Variants in USP54 observed in about 807,000 individuals in gnomAD.
The protein encoded by USP54 is ubiquitin carboxyl-terminal hydrolase 54.
In USP54, 87 loss-of-function variants were observed where a neutral mutation model predicts 170.5. The observed-to-expected ratio is 0.51, with a 90% CI of 0.43 to 0.61. USP54 has a LOEUF of 0.61. Ranked by LOEUF, USP54 falls within the 20% of genes least tolerant of loss-of-function variation. USP54 has a pLI of 0.00. For missense variants in USP54, 1,786 were observed against 2,047.8 expected, an observed-to-expected ratio of 0.87 and a Z score of 2.47; for synonymous variants, 655 against 742.8, an observed-to-expected ratio of 0.88 and a Z score of 1.92.
intron 16 of USP54, among the ~76,000 whole-genome samples, chr10:73,526,401 C>T (rs1261407899): frequency 3.9e-5 from 6 of 152,198 alleles, no homozygotes. Flanking sequence ...GTGCACGCCG[C>T]TACGCTGGTT....
In USP54 at chr10:73,516,800, G is replaced by A. The variant is rs756879277; in HGVS notation, c.3626C>T (p.Ala1209Val). Residue 1209 changes from alanine (A) to valine (V), a missense_variant, in exon 20 of 24, where the codon GCC becomes GTC. Physicochemically the swap from Ala to Val is moderately conservative, Grantham distance 64. Around this residue, in one of 3 missense-constraint regions of USP54, gnomAD observed 1,418 missense variants for 1,569.0 expected, o/e 0.90. Transcript: ENST00000687698. ...ACCATTAGGCAGCCCAGAGTTTAAG[G>A]CAAGAGAAGAATGTTCAGTGGACTC... is the stretch of plus-strand genomic sequence containing the variant. Reference protein sequence around the residue: ...WEESTEHSSLALNSGLPNGET... With the variant: ...WEESTEHSSLVLNSGLPNGET... The A allele has an allele frequency of 1.6e-5, 26 of 1,614,058 alleles. No individual in the cohort carries two copies. The highest frequency in any genetic ancestry group is 2.1e-5 in the Non-Finnish European group (25 of 1,180,048).
At chr10:73,565,455 G>A (rs1450150600) in intron 4 of USP54, among the ~76,000 whole-genome samples, 2 of 152,106 alleles carry the variant, frequency 1.3e-5, no homozygotes, top group East Asian at 3.9e-4. Flanking sequence ...GGTTGAGGCT[G>A]CAGTGAACCA....
At chr10:73,577,197 A>G (rs528212194) in intron 1 of USP54, among the ~76,000 whole-genome samples, 1 of 152,304 alleles carries the variant, frequency 6.6e-6, no homozygotes, top group African/African-American at 2.4e-5. Flanking sequence ...GTTAAGTGTT[A>G]AATTTGCCAA....
intron 20 of USP54, chr10:73,515,936 C>T (rs1054616423): frequency 6.4e-6 from 1 of 156,000 alleles, no homozygotes; most frequent in Non-Finnish European, 1.4e-5. Context: ...GCAAGTACCA[C>T]CACGCCCGGC....
At chr10:73,562,873 T>C (rs2073388690) in intron 4 of USP54, among the ~76,000 whole-genome samples, 1 of 152,216 alleles carries the variant, frequency 6.6e-6, no homozygotes, top group East Asian at 1.9e-4. Flanking sequence ...GATAAACTGT[T>C]TTCCTAAGTA....
intron 17 of USP54, 47 bp from the exon 18 acceptor site, chr10:73,521,074 T>A: frequency 6.2e-7 from 1 of 1,608,876 alleles, no homozygotes; most frequent in Non-Finnish European, 8.5e-7. Flanking sequence ...CATTCCAAAT[T>A]TTCCTGTGTA....
intron 23 of USP54, 96 bp from the exon 24 acceptor site, chr10:73,499,284 T>C: frequency 8.2e-7 from 1 of 1,217,824 alleles, no homozygotes; most frequent in Non-Finnish European, 1.1e-6. Context: ...AATTCCCTAC[T>C]CCTCCAAGAG....
chr10:73,624,195 TG>T (rs1564974932), intron 1 of USP54, among the ~76,000 whole-genome samples: 54 of 118,224 alleles, frequency 4.6e-4, no homozygotes, highest in African/African-American at 1.8e-3. Flanking sequence ...TATATATATA[TG>T]TATTTTTTTT....
chr10:73,519,861 G>A lies in USP54; in HGVS notation c.2614C>T (p.Gln872Ter). ...CAGGCTGAGGGCTGCGACGGCTGCT[G>A]TGGTGATTGCTGCTGCTGCATGCGA... Reference protein sequence around the residue: ...QDRMQQQQSPQQPSQPSACLP... With the variant: ...QDRMQQQQSP Residue 872 changes from glutamine (Q) to a stop codon, truncating the protein, a stop_gained, in exon 19 of 24, where the codon CAG becomes TAG. Transcript: ENST00000687698. LOFTEE classifies it high-confidence loss of function. 1 of 1,614,172 alleles carries A rather than the reference G, an allele frequency of 6.2e-7. No homozygotes were observed. The highest frequency in any genetic ancestry group is 8.5e-7 in the Non-Finnish European group (1 of 1,180,026).
intron 1 of USP54, among the ~76,000 whole-genome samples, chr10:73,624,159 CATATATAT>C (rs58238181): frequency 0.013 from 907 of 69,864 alleles, 19 homozygotes; most frequent in African/African-American, 0.039. Flanking sequence ...TTTTAAAAGC[CATATATAT>C]ATATATATAT....
chr10:73,556,373 T>C (rs957083117), intron 4 of USP54, among the ~76,000 whole-genome samples: 14 of 148,262 alleles, frequency 9.4e-5, no homozygotes, highest in African/African-American at 3.5e-4. Flanking sequence ...AGACAGAGTC[T>C]CCCTCTGTCA....
At chr10:73,525,737 C>A (rs1247103139) in intron 16 of USP54, among the ~76,000 whole-genome samples, 1 of 152,240 alleles carries the variant, frequency 6.6e-6, no homozygotes, top group African/African-American at 2.4e-5. Flanking sequence ...CCAGAGATAT[C>A]TGCCTCTATA....
chr10:73,522,978 T>A (rs918843131), intron 17 of USP54, among the ~76,000 whole-genome samples: 1 of 152,202 alleles, frequency 6.6e-6, no homozygotes, highest in African/African-American at 2.4e-5. Context: ...CTATTTAAGG[T>A]AGATACTTCA....
chr10:73,509,092 G>A (rs1317943752), intron 20 of USP54, among the ~76,000 whole-genome samples: 4 of 140,348 alleles, frequency 2.9e-5, no homozygotes, highest in African/African-American at 1.1e-4. Flanking sequence ...AAAAACATAG[G>A]GTATCATACT....
intron 1 of USP54, among the ~76,000 whole-genome samples, chr10:73,579,928 T>C (rs2076657037): frequency 6.6e-6 from 1 of 152,094 alleles, no homozygotes; most frequent in South Asian, 2.1e-4. Flanking sequence ...TATACACCTA[T>C]TAGAATAGTT....
intron 1 of USP54, among the ~76,000 whole-genome samples, chr10:73,603,914 C>T (rs2132277691): frequency 6.6e-6 from 1 of 151,908 alleles, no homozygotes; most frequent in East Asian, 1.9e-4. Flanking sequence ...AAATCAAAAC[C>T]ACAGTGAGAT....
At chr10:73,589,021 A>G (rs907445485) in intron 1 of USP54, among the ~76,000 whole-genome samples, 30 of 152,200 alleles carry the variant, frequency 2.0e-4, no homozygotes, top group African/African-American at 5.3e-4. Context: ...CTCCACACCA[A>G]CTGGGACTTC....
chr10:73,506,098 G>A (rs552907852), intron 20 of USP54: 1 of 152,276 alleles, frequency 6.6e-6, no homozygotes, highest in South Asian at 2.1e-4. Flanking sequence ...GAATAGAAAT[G>A]ATCATAATAA....
chr10:73,624,907 C>T (rs914947254), intron 1 of USP54, among the ~76,000 whole-genome samples: 1 of 152,196 alleles, frequency 6.6e-6, no homozygotes, highest in Admixed American at 6.5e-5. Flanking sequence ...ACTTTAGGAA[C>T]ACCAGGTTTT....
Sources: gnomAD v4.1 joint callset for allele counts (sites outside exome capture counted in the v4.1 genomes callset) on GRCh38, gnomAD v4.1.1 for gene constraint, gnomAD v4.1.1 regional missense constraint, MANE v1.5 for transcripts, NCBI Gene and HGNC (gene_info 2026-07-23, HGNC 2026-07-21) for gene names.